ZKSCAN3: variants seen among roughly 807,000 people sequenced by gnomAD.
ZKSCAN3 encodes zinc finger with KRAB and SCAN domains 3.
Under a neutral mutation model 30.7 loss-of-function variants are expected in ZKSCAN3, and 21 were observed. The observed-to-expected ratio is 0.68, with a 90% confidence interval of 0.49 to 0.99. ZKSCAN3 has a LOEUF of 0.99. Ranked by LOEUF, ZKSCAN3 falls within the 50% of genes least tolerant of loss-of-function variation. The pLI is 0.00. For missense variants in ZKSCAN3, 507 were observed against 647.1 expected (o/e 0.78, Z 2.35); for synonymous variants, 201 against 246.7 (o/e 0.81, Z 1.73).
chr6:28,366,026 A>AT lies in ZKSCAN3; in HGVS notation c.1359dup (p.Val454CysfsTer5), dbSNP rs1466138188. On this transcript the variant is annotated frameshift_variant, in exon 6 of 6. Coordinates refer to ENST00000252211, the MANE Select transcript of ZKSCAN3 (RefSeq NM_024493.4). LOFTEE classifies it low-confidence loss of function (END_TRUNC). ...CAGAGGATCCATACTGGGGATAAAA[A>AT]TGTTCAGGAACCTGAGCAGGGAGAG... The AT allele has an allele frequency of 6.2e-7, 1 of 1,612,620 alleles. No homozygotes were observed. The highest frequency in any genetic ancestry group is 1.3e-5 in the African/African-American group (1 of 74,862).
chr6:28,351,607 C>G lies in ZKSCAN3; in HGVS notation c.-63+1540C>G, dbSNP rs982040260. ...CTTTCATTCTTCTTTTCCCTCCTTT[C>G]CACTCTCTTTCCTTCCCTTCTCCTC... is the stretch of plus-strand genomic sequence containing the variant. On this transcript the variant is annotated intron_variant, in intron 1 of 5. Coordinates refer to ENST00000252211, the MANE Select transcript of ZKSCAN3 (RefSeq NM_024493.4). This position sits in a 1 kb window ranked among gnomAD's most constrained non-coding sequence, Gnocchi z 4.6. 2.0e-5 allele frequency among the ~76,000 whole-genome samples: 3 copies of G among 151,868 alleles called. No homozygotes were observed. Among genetic ancestry groups the G allele is most frequent in the African/African-American group, 7.3e-5 (3 of 41,336 alleles).
chr6:28,366,263 G>A lies in ZKSCAN3; in HGVS notation c.1595G>A (p.Gly532Glu). The A allele has an allele frequency of 5.2e-6, 8 of 1,536,666 alleles. No individual in the cohort carries two copies. The highest frequency in any genetic ancestry group is 7.0e-6 in the Non-Finnish European group (8 of 1,147,258). The change falls in exon 6 of 6, where the codon GGG (glycine) becomes GAG (glutamate). Residue 532 changes from glycine (G) to glutamate (E), a missense_variant. By Grantham distance (98) the Gly-to-Glu change is moderately conservative. Transcript: ENST00000252211. ...YLVQHQRSHV[G>E]KNILSQ ...GTTCAACATCAGAGAAGCCATGTAG[G>A]GAAAAACATCCTATCACAGTGACCC...
rs367947574 is a variant in ZKSCAN3 at position 28,359,735 on chromosome 6, G to C, written c.149G>C (p.Arg50Pro). 4 of 1,614,062 alleles carry C rather than the reference G, an allele frequency of 2.5e-6. No individual in the cohort carries two copies. In the African/African-American group the frequency reaches 4.0e-5, roughly 16 times the overall value. Residue 50 changes from arginine (R) to proline (P), a missense_variant, in exon 2 of 6, where the codon CGA becomes CCA. Transcript: ENST00000252211. The part of the protein sequence containing the change: ...LGSEGSRERF[R>P]GFRYPEAAGP... ...TCTGAGGGCTCCCGCGAGCGCTTCC[G>C]AGGCTTCCGCTACCCGGAGGCTGCA...
Position 28,360,758 on chromosome 6 carries a change from T to C in ZKSCAN3, c.403-566T>C, listed in dbSNP as rs1765723097. 5.1e-6 allele frequency: 5 copies of C among 985,412 alleles called. No homozygotes were observed. In the African/African-American group the frequency reaches 8.7e-5, roughly 17 times the overall value. The allele number at this position is 985,412 out of a possible 1,614,324, so 61.0% of individuals were successfully genotyped here. On this transcript the variant is annotated intron_variant, in intron 2 of 5. Transcript: ENST00000252211. The stretch of plus-strand genomic sequence containing the variant: ...TAACAGTGGAAAGTCAGTGCGAGTC[T>C]CTTAGCTTCATTCTTTATAAAGGAT...
chr6:28,360,178 CA>C, intron 2 of ZKSCAN3, 190 bp downstream of exon 2: 1 of 1,004,538 alleles, frequency 1.0e-6, no homozygotes, highest in East Asian at 2.6e-5. Flanking sequence ...ATACATAAAC[CA>C]TAAAGGATTA....
chr6:28,358,826 G>A (rs1434514968), intron 1 of ZKSCAN3, among the ~76,000 whole-genome samples: 1 of 148,892 alleles, frequency 6.7e-6, no homozygotes, highest in African/African-American at 2.5e-5. Context: ...GGAGGTTGCA[G>A]CAAGCCGAGA....
Position 28,359,643 on chromosome 6 carries a change from G to A in ZKSCAN3, c.57G>A (p.Gln19=), listed in dbSNP as rs1345590215. 6.2e-7 allele frequency: 1 copy of A among 1,614,144 alleles called. No homozygotes were observed. The highest frequency in any genetic ancestry group is 1.3e-5 in the African/African-American group (1 of 74,948). The change falls in exon 2 of 6, where the codon CAG becomes CAA. Residue 19 remains glutamine, a synonymous_variant. Coordinates refer to ENST00000252211, the MANE Select transcript of ZKSCAN3 (RefSeq NM_024493.4). ...TALDAQSTED[Q]MELLVIKVEE... is the part of the protein sequence containing the mutation. ...TGGATGCCCAGTCTACAGAAGACCA[G>A]ATGGAGCTTCTGGTCATAAAGGTGG...
intron 1 of ZKSCAN3, among the ~76,000 whole-genome samples, chr6:28,359,265 A>ACT (rs1206481723): frequency 1.3e-5 from 2 of 152,138 alleles, no homozygotes; most frequent in Non-Finnish European, 2.9e-5. Flanking sequence ...AGAGTCCAGG[A>ACT]AGTGCCCTGG....
chr6:28,365,289 A>G (rs879766064), intron 5 of ZKSCAN3, 137 bp from the exon 6 acceptor site: 18 of 1,275,570 alleles, frequency 1.4e-5, no homozygotes, highest in Non-Finnish European at 1.8e-5. Context: ...CTCCCCTTTT[A>G]TTCCCATCCT....
In ZKSCAN3 at chr6:28,363,767, C is replaced by A. The variant is rs770729988; in HGVS notation, c.709C>A (p.Leu237Ile). ...ACAGCAGGATTCATCTCAGGGGAAT[C>A]TCTGTAGAGATGAAAAGCAGGAGAA... Reference protein sequence around the residue: ...WTQQDSSQGNLCRDEKQENHG... With the variant: ...WTQQDSSQGNICRDEKQENHG... Residue 237 changes from leucine to isoleucine, a missense_variant, in exon 5 of 6, where the codon CTC becomes ATC. Coordinates refer to ENST00000252211, the MANE Select transcript of ZKSCAN3 (RefSeq NM_024493.4). 3.1e-6 allele frequency: 5 copies of A among 1,614,046 alleles called. No individual in the cohort carries two copies. Among genetic ancestry groups the A allele is most frequent in the Admixed American group, 3.3e-5 (2 of 60,016 alleles).
Position 28,367,245 on chromosome 6 carries a change from AATTCT to A in ZKSCAN3, c.*967_*971del, listed in dbSNP as rs1766003087. 1 of 151,876 alleles carries A rather than the reference AATTCT, an allele frequency of 6.6e-6. No individual in the cohort carries two copies. The highest frequency in any genetic ancestry group is 2.4e-5 in the African/African-American group (1 of 41,362). 9.4% of individuals were successfully genotyped at this position (151,876 alleles called of 1,614,324 possible). A position where few individuals can be genotyped will look rare whatever the true frequency, so the allele number is the denominator to read the frequency against. ...ATCCATATTTCTTTACCAGACTAGGAATTCTATTCTAGTGCAAATGCCTTAAAAAG... is the reference window on the plus strand; with the variant it reads ...ATCCATATTTCTTTACCAGACTAGGAATTCTAGTGCAAATGCCTTAAAAAG... On this transcript the variant is annotated 3_prime_UTR_variant, in exon 6 of 6. Coordinates refer to ENST00000252211, the MANE Select transcript of ZKSCAN3 (RefSeq NM_024493.4).
At position 28,365,621 on chromosome 6, in the gene ZKSCAN3, A is replaced by T. The variant is rs1395252173; in HGVS notation, c.953A>T (p.Glu318Val). The T allele has an allele frequency of 6.2e-6, 10 of 1,614,138 alleles. No individual in the cohort carries two copies. Among genetic ancestry groups the T allele is most frequent in the Non-Finnish European group, 8.5e-6 (10 of 1,180,054 alleles). The change falls in exon 6 of 6, where the codon GAA becomes GTA. Residue 318 changes from glutamate to valine, a missense_variant. Transcript: ENST00000252211. ...ATGGRRHICH[E>V]CGKSFAQSSG... Reference sequence around the variant, plus strand: ...GGAGGGAGGCGGCACATCTGCCATGAATGTGGAAAGAGTTTTGCTCAAAGC... The same window carrying T: ...GGAGGGAGGCGGCACATCTGCCATGTATGTGGAAAGAGTTTTGCTCAAAGC...
At chr6:28,361,594 A>T in intron 3 of ZKSCAN3, 123 bp downstream of exon 3, 1 of 1,110,770 alleles carries the variant, frequency 9.0e-7, no homozygotes, top group Non-Finnish European at 1.2e-6. Flanking sequence ...CTCATTTAAG[A>T]CTGAGACTAA....
chr6:28,361,110 C>A (rs993825172), intron 2 of ZKSCAN3, among the ~76,000 whole-genome samples: 2 of 152,136 alleles, frequency 1.3e-5, no homozygotes, highest in Non-Finnish European at 2.9e-5. Context: ...AGCTCCCATC[C>A]TAGCATTGCC....
At chr6:28,360,238 G>A (rs1765691047) in intron 2 of ZKSCAN3, 3 of 633,372 alleles carry the variant, frequency 4.7e-6, no homozygotes, top group Non-Finnish European at 7.8e-6. Context: ...TATTAACTTT[G>A]TATTAAAGTC....
Position 28,359,963 on chromosome 6 carries a change from G to C in ZKSCAN3, c.377G>C (p.Arg126Thr), listed in dbSNP as rs942337605. Residue 126 changes from arginine (R) to threonine (T), a missense_variant, in exon 2 of 6, where the codon AGG becomes ACG. By Grantham distance (71) the Arg-to-Thr change is moderately conservative. Transcript: ENST00000252211. ...EVVVLLEYLERQLDEPAPQVS... is the reference protein window; with the variant it reads ...EVVVLLEYLETQLDEPAPQVS... ...GTGGTGCTATTGGAGTATTTGGAGA[G>C]GCAGCTGGATGAGCCGGCGCCGCAG... 1 of 1,614,052 alleles carries C rather than the reference G, an allele frequency of 6.2e-7. No homozygotes were observed. Among genetic ancestry groups the C allele is most frequent in the African/African-American group, 1.3e-5 (1 of 74,908 alleles).
chr6:28,353,723 G>A (rs539518445), intron 1 of ZKSCAN3: 2 of 419,104 alleles, frequency 4.8e-6, no homozygotes, highest in African/African-American at 2.1e-5. Flanking sequence ...AAAACCTTGC[G>A]AGTGATTAAA....
rs780935220 is a variant in ZKSCAN3 at position 28,366,028 on chromosome 6, G to C, written c.1360G>C (p.Val454Leu). Residue 454 changes from valine (V) to leucine (L), a missense_variant, in exon 6 of 6, where the codon GTT becomes CTT. Val to Leu is a conservative substitution (Grantham distance 32). Coordinates refer to ENST00000252211, the MANE Select transcript of ZKSCAN3 (RefSeq NM_024493.4). Reference sequence around the variant, plus strand: ...GAGGATCCATACTGGGGATAAAAATGTTCAGGAACCTGAGCAGGGAGAGGC... The same window carrying C: ...GAGGATCCATACTGGGGATAAAAATCTTCAGGAACCTGAGCAGGGAGAGGC... ...HQRIHTGDKN[V>L]QEPEQGEAWK... 2 of 1,612,452 alleles carry C rather than the reference G, an allele frequency of 1.2e-6. No homozygotes were observed. Among genetic ancestry groups the C allele is most frequent in the South Asian group, 2.2e-5 (2 of 90,816 alleles).
At chr6:28,350,100 G>GTGTGTGTGTGTGTGTGTGTGTGTT (rs1764878022) in intron 1 of ZKSCAN3, 33 bp downstream of exon 1, 1 of 152,484 alleles carries the variant, frequency 6.6e-6, no homozygotes, top group African/African-American at 2.4e-5. Context: ...GTGTGTGTGT[G>GTGTGTGTGTGTGTGTGTGTGTGTT]TGTGTGTGTG....
Sources: gnomAD v4.1 joint callset for allele counts (sites outside exome capture counted in the v4.1 genomes callset) on GRCh38, gnomAD v4.1.1 for gene constraint, Gnocchi (gnomAD v3.1) non-coding constraint, MANE v1.5 for transcripts, NCBI Gene and HGNC (gene_info 2026-07-23, HGNC 2026-07-21) for gene names.